RGPD3: variants seen among roughly 807,000 people sequenced by gnomAD.
The protein encoded by RGPD3 is ranBP2-like and GRIP domain-containing protein 3.
A neutral mutation model predicts 154.5 loss-of-function variants in RGPD3; 62 were observed. The ratio of observed to expected loss-of-function variants is 0.40; its 90% CI spans 0.33 to 0.50. The LOEUF (loss-of-function observed/expected upper bound fraction) is 0.50. Ranked by LOEUF, RGPD3 falls within the 20% of genes least tolerant of loss-of-function variation. The pLI is 0.59. For missense variants in RGPD3, 919 were observed against 1,716.8 expected (o/e 0.54, Z 8.21); for synonymous variants, 308 against 607.0 (o/e 0.51, Z 7.24).
chr2:106,449,474 A>C (rs1172807578), intron 6 of RGPD3, among the ~76,000 whole-genome samples: 1 of 151,248 alleles, frequency 6.6e-6, no homozygotes, highest in Non-Finnish European at 1.5e-5. Context: ...CTCAAAAAAA[A>C]AAAAAAAAAA....
chr2:106,441,358 A>C lies in RGPD3; in HGVS notation c.1001T>G (p.Leu334Ter). Residue 334 changes from leucine (L) to a stop codon, truncating the protein, a stop_gained, in exon 8 of 23, where the codon TTA (leucine) becomes TGA (stop). Coordinates refer to ENST00000409886, the MANE Select transcript of RGPD3 (RefSeq NM_001144013.2). LOFTEE classifies it high-confidence loss of function. ...ATTTTGTCCAGCTTCACCTTTTATT[A>C]ATTTAATCTTTGGTCTTGGAACCTA... ...AFQVPRPKIK[L>*]IKGEAGQNLL... The C allele has an allele frequency of 1.9e-6, 3 of 1,548,322 alleles. No homozygotes were observed. The highest frequency in any genetic ancestry group is 2.6e-6 in the Non-Finnish European group (3 of 1,146,828).
At chr2:106,466,235 C>A (rs1490421599) in intron 1 of RGPD3, among the ~76,000 whole-genome samples, 1 of 152,142 alleles carries the variant, frequency 6.6e-6, no homozygotes, top group Non-Finnish European at 1.5e-5. Context: ...GCGGTCCCCC[C>A]AGGACTCTTC....
chr2:106,464,074 G>A (rs1024833341), intron 1 of RGPD3, among the ~76,000 whole-genome samples: 4 of 152,226 alleles, frequency 2.6e-5, no homozygotes, highest in African/African-American at 9.6e-5. Flanking sequence ...GGCCCGGCGC[G>A]GTGGCTCACG....
At chr2:106,411,554 C>T (rs187243204) in intron 22 of RGPD3, among the ~76,000 whole-genome samples, 5,495 of 150,774 alleles carry the variant, frequency 0.036, 144 homozygotes, top group Middle Eastern at 0.062. Context: ...AATGGCCGGG[C>T]GTGGTGGCTC....
intron 22 of RGPD3, among the ~76,000 whole-genome samples, chr2:106,409,896 T>C (rs1259743518): frequency 7.4e-6 from 1 of 134,580 alleles, no homozygotes; most frequent in Non-Finnish European, 1.6e-5. Context: ...TTTTTTGAGA[T>C]AAGAGTTTTG....
At chr2:106,446,190 T>C (rs1350264602) in intron 7 of RGPD3, among the ~76,000 whole-genome samples, 3 of 134,544 alleles carry the variant, frequency 2.2e-5, no homozygotes, top group South Asian at 2.7e-4. Context: ...AATTAATCAT[T>C]TTTCTAAGCC....
At chr2:106,406,785 C>A (rs1248373119) in intron 22 of RGPD3, among the ~76,000 whole-genome samples, 2 of 152,134 alleles carry the variant, frequency 1.3e-5, no homozygotes, top group Non-Finnish European at 2.9e-5. Context: ...TTTGGTATTA[C>A]CCTTCCAGAC....
intron 1 of RGPD3, among the ~76,000 whole-genome samples, chr2:106,466,022 T>C (rs953481972): frequency 1.3e-5 from 2 of 150,368 alleles, no homozygotes; most frequent in African/African-American, 4.9e-5. Flanking sequence ...CCGCAGCATA[T>C]AAAGTAAATG....
Position 106,424,346 on chromosome 2 carries a change from T to C in RGPD3, c.3621A>G (p.Thr1207=). 3 of 1,611,846 alleles carry C rather than the reference T, an allele frequency of 1.9e-6. No homozygotes were observed. The highest frequency in any genetic ancestry group is 2.5e-6 in the Non-Finnish European group (3 of 1,179,852). ...CTTTTGTTTGATCATTTGTCAAAAA[T>C]GTTTTGAAATCTTTCAGTCCACTCT... is the stretch of plus-strand genomic sequence containing the variant. The part of the protein sequence containing the change: ...EMKSGLKDFK[T]FLTNDQTKVA... The change falls in exon 20 of 23, where the codon ACA becomes ACG. Residue 1207 remains threonine, a synonymous_variant. Coordinates refer to ENST00000409886, the MANE Select transcript of RGPD3 (RefSeq NM_001144013.2).
chr2:106,411,362 C>A (rs1305422735), intron 22 of RGPD3, among the ~76,000 whole-genome samples: 34 of 135,404 alleles, frequency 2.5e-4, no homozygotes, highest in Non-Finnish European at 4.8e-4. Flanking sequence ...GTCCACCATC[C>A]CACCTAATTG....
At chr2:106,408,847 G>A (rs140393640) in intron 22 of RGPD3, among the ~76,000 whole-genome samples, 5 of 148,002 alleles carry the variant, frequency 3.4e-5, no homozygotes, top group African/African-American at 7.4e-5. Flanking sequence ...CCACCAGAAC[G>A]GGCATATTTT....
chr2:106,408,679 A>T (rs1231146979), intron 22 of RGPD3, among the ~76,000 whole-genome samples: 1 of 150,866 alleles, frequency 6.6e-6, no homozygotes, highest in Non-Finnish European at 1.5e-5. Flanking sequence ...TTTATTTCTT[A>T]ATTTTTTTTT....
chr2:106,457,440 TA>T (rs1250747570), intron 3 of RGPD3, 126 bp downstream of exon 3: 1 of 1,545,826 alleles, frequency 6.5e-7, no homozygotes, highest in Non-Finnish European at 8.8e-7. Context: ...CTGTGTCACA[TA>T]ACTGTACTAT....
At chr2:106,410,233 A>G (rs1217233803) in intron 22 of RGPD3, among the ~76,000 whole-genome samples, 1 of 152,092 alleles carries the variant, frequency 6.6e-6, no homozygotes, top group Non-Finnish European at 1.5e-5. Context: ...CTAAACCATC[A>G]TGGTTTTTAA....
At chr2:106,426,760 A>G (rs1455258298) in intron 18 of RGPD3, among the ~76,000 whole-genome samples, 1 of 152,256 alleles carries the variant, frequency 6.6e-6, no homozygotes, top group Non-Finnish European at 1.5e-5. Context: ...GTTTTATGAT[A>G]GTTTTACCAG....
rs1677082521 is a variant in RGPD3, at chr2:106,423,775, T to C, written c.4192A>G (p.Arg1398Gly). The change falls in exon 20 of 23, where the codon AGA becomes GGA. Residue 1398 changes from arginine to glycine, a missense_variant. Coordinates refer to ENST00000409886, the MANE Select transcript of RGPD3 (RefSeq NM_001144013.2). ...YDNKHVRILM[R>G]RDQVLKLCAN... ...CAAAGTTTTAATACTTGGTCCCTTC[T>C]CATCAGTATACGAACGTGCTTATTA... is the stretch of plus-strand genomic sequence containing the variant. 1.2e-6 allele frequency: 2 copies of C among 1,611,902 alleles called. No individual in the cohort carries two copies. Among genetic ancestry groups the C allele is most frequent in the African/African-American group, 2.7e-5 (2 of 74,846 alleles).
chr2:106,468,446 G>T, upstream of RGPD3: 4 of 1,408,170 alleles, frequency 2.8e-6, no homozygotes, highest in East Asian at 5.2e-5. Context: ...ACAGTGTGTG[G>T]AACGTTGGCG....
rs779456809 is a variant in RGPD3 at position 106,415,907 on chromosome 2, T to C, written c.5007A>G (p.Leu1669=). 1.7e-5 allele frequency: 27 copies of C among 1,611,820 alleles called. No homozygotes were observed. The African/African-American group carries it at 2.4e-4, about 14-fold the overall frequency. The change falls in exon 21 of 23, where the codon TTA becomes TTG. Residue 1669 remains leucine (L), a synonymous_variant. Coordinates refer to ENST00000409886, the MANE Select transcript of RGPD3 (RefSeq NM_001144013.2). ...LSSTTKSADH[L]NGLLREIEAT... is the part of the protein sequence containing the mutation. ...CCTCTATTTCCCGAAGCAGGCCGTTTAAGTGATCTGCACTTTTTGTGGTGG... is the reference window on the plus strand; with the variant it reads ...CCTCTATTTCCCGAAGCAGGCCGTTCAAGTGATCTGCACTTTTTGTGGTGG...
Position 106,463,264 on chromosome 2 carries a change from A to G in RGPD3, c.73-3932T>C, listed in dbSNP as rs1279918713. Among the ~76,000 whole-genome samples the G allele has an allele frequency of 5.3e-5, 8 of 151,282 alleles. No homozygotes were observed. In the Admixed American group the frequency reaches 5.3e-4, roughly 10 times the overall value. On this transcript the variant is annotated intron_variant, in intron 1 of 22. Coordinates refer to ENST00000409886, the MANE Select transcript of RGPD3 (RefSeq NM_001144013.2). ...AGTAAAGACATTTTAAAGACATACC[A>G]TTAGTTTCCAGACCAGCCTGACCAG... is the stretch of plus-strand genomic sequence containing the variant.
Sources: gnomAD v4.1 joint callset for allele counts (sites outside exome capture counted in the v4.1 genomes callset) on GRCh38, gnomAD v4.1.1 for gene constraint, MANE v1.5 for transcripts, NCBI Gene and HGNC (gene_info 2026-07-23, HGNC 2026-07-21) for gene names.